TMTC3: variants seen among roughly 807,000 people sequenced by gnomAD.
The protein encoded by TMTC3 is protein O-mannosyl-transferase TMTC3.
TMTC3 carries 52 observed loss-of-function variants against 92.2 expected under a neutral mutation model. The ratio of observed to expected loss-of-function variants is 0.56; its 90% CI spans 0.45 to 0.71. The LOEUF (loss-of-function observed/expected upper bound fraction) is 0.71, where lower values mean the gene tolerates loss of function less well. Ranked by LOEUF, TMTC3 falls within the 30% of genes least tolerant of loss-of-function variation. TMTC3 has a pLI of 0.00. For missense variants in TMTC3, 896 were observed against 1,057.1 expected (o/e 0.85, Z 2.11); for synonymous variants, 339 against 363.3 (o/e 0.93, Z 0.76).
intron 10 of TMTC3, among the ~76,000 whole-genome samples, chr12:88,180,407 G>A (rs189858130): frequency 5.3e-4 from 81 of 152,130 alleles, no homozygotes; most frequent in Non-Finnish European, 8.7e-4. Context: ...AAAGAAAGGC[G>A]GATTTAGAAG....
chr12:88,184,815 ACACACACATATG>A (rs1318384115), intron 10 of TMTC3, among the ~76,000 whole-genome samples: 1 of 152,016 alleles, frequency 6.6e-6, no homozygotes, highest in Non-Finnish European at 1.5e-5. Context: ...ATATATATAC[ACACACACATATG>A]CATGCACATG....
intron 4 of TMTC3, among the ~76,000 whole-genome samples, chr12:88,155,825 T>C (rs1339833325): frequency 1.3e-5 from 2 of 152,172 alleles, no homozygotes; most frequent in Non-Finnish European, 2.9e-5. Context: ...GAATTACTTA[T>C]TTGGGCTGGG....
At chr12:88,154,420 G>T in intron 4 of TMTC3, 33 bp downstream of exon 4, 2 of 1,475,344 alleles carry the variant, frequency 1.4e-6, no homozygotes, top group Non-Finnish European at 9.2e-7. Flanking sequence ...TTTTTTAATA[G>T]TGCTAAAACT....
intron 6 of TMTC3, among the ~76,000 whole-genome samples, chr12:88,162,232 T>C (rs1212747657): frequency 1.3e-5 from 2 of 152,180 alleles, no homozygotes; most frequent in African/African-American, 2.4e-5. Context: ...CTAATGTATG[T>C]TATGTGTATT....
chr12:88,195,180 G>C lies in TMTC3; in HGVS notation c.2276G>C (p.Cys759Ser), dbSNP rs768982622. 1.2e-6 allele frequency: 2 copies of C among 1,613,812 alleles called. No homozygotes were observed. The highest frequency in any genetic ancestry group is 4.5e-5 in the East Asian group (2 of 44,816). Residue 759 changes from cysteine to serine, a missense_variant, in exon 14 of 14, where the codon TGT becomes TCT. Coordinates refer to ENST00000266712, the MANE Select transcript of TMTC3 (RefSeq NM_181783.4). ...QKKDILGAKKCFERILEMDPS... is the reference protein window; with the variant it reads ...QKKDILGAKKSFERILEMDPS... ...AAAGATATACTAGGAGCAAAAAAATGTTTTGAAAGGATTTTGGAGATGGAT... is the reference window on the plus strand; with the variant it reads ...AAAGATATACTAGGAGCAAAAAAATCTTTTGAAAGGATTTTGGAGATGGAT...
At chr12:88,153,585 AT>A in intron 3 of TMTC3, 76 bp downstream of exon 3, 1 of 769,410 alleles carries the variant, frequency 1.3e-6, no homozygotes, top group Non-Finnish European at 1.9e-6. Context: ...AATGGTATAT[AT>A]TTTTAAGAAA....
At chr12:88,179,471 A>T (rs903005040) in intron 10 of TMTC3, among the ~76,000 whole-genome samples, 1 of 152,210 alleles carries the variant, frequency 6.6e-6, no homozygotes, top group African/African-American at 2.4e-5. Flanking sequence ...AATACTGGTT[A>T]TATAAGACTT....
chr12:88,171,978 G>A (rs1042424412), intron 7 of TMTC3, among the ~76,000 whole-genome samples: 1 of 151,928 alleles, frequency 6.6e-6, no homozygotes, highest in Non-Finnish European at 1.5e-5. Flanking sequence ...ATACTTGATG[G>A]CCATTGGCAT....
Position 88,174,636 on chromosome 12 carries a change from T to G in TMTC3, c.1229T>G (p.Leu410Arg). 6.2e-7 allele frequency: 1 copy of G among 1,611,152 alleles called. No homozygotes were observed. Among genetic ancestry groups the G allele is most frequent in the Non-Finnish European group, 8.5e-7 (1 of 1,178,666 alleles). ...SVFKKLSWICLSMVILTHSLK... is the reference protein window; with the variant it reads ...SVFKKLSWICRSMVILTHSLK... ...TTTAAAAAGCTATCCTGGATTTGTC[T>G]GTCTATGGTGATACTCACTCATTCC... The change falls in exon 9 of 14, where the codon CTG (leucine) becomes CGG (arginine). Residue 410 changes from leucine to arginine, a missense_variant. Physicochemically the swap from Leu to Arg is moderately radical, Grantham distance 102. Coordinates refer to ENST00000266712, the MANE Select transcript of TMTC3 (RefSeq NM_181783.4).
At chr12:88,158,051 T>TA (rs1199023008) in intron 4 of TMTC3, among the ~76,000 whole-genome samples, 2 of 152,202 alleles carry the variant, frequency 1.3e-5, no homozygotes, top group African/African-American at 2.4e-5. Flanking sequence ...TATTCTTTGT[T>TA]ACTTTTTAAA....
chr12:88,190,480 A>G lies in TMTC3; in HGVS notation c.1564A>G (p.Arg522Gly). The change falls in exon 12 of 14, where the codon AGA (arginine) becomes GGA (glycine). Residue 522 changes from arginine (R) to glycine (G), a missense_variant. Physicochemically the swap from Arg to Gly is moderately radical, Grantham distance 125. Coordinates refer to ENST00000266712, the MANE Select transcript of TMTC3 (RefSeq NM_181783.4). ...TATTCCTGGTAAAAAATATGCAGCCAGAATTGCCCCTAACCACCTAAATGT... is the reference window on the plus strand; with the variant it reads ...TATTCCTGGTAAAAAATATGCAGCCGGAATTGCCCCTAACCACCTAAATGT... ...QIIPGKKYAA[R>G]IAPNHLNVYI... The G allele has an allele frequency of 6.2e-7, 1 of 1,613,724 alleles. No homozygotes were observed. The highest frequency in any genetic ancestry group is 8.5e-7 in the Non-Finnish European group (1 of 1,179,778).
intron 1 of TMTC3, among the ~76,000 whole-genome samples, chr12:88,146,326 A>C (rs1357416912): frequency 6.6e-6 from 1 of 152,120 alleles, no homozygotes; most frequent in African/African-American, 2.4e-5. Flanking sequence ...TTGCTTGAAT[A>C]ATAATTTTTA....
rs913277321 is a variant in TMTC3, at chr12:88,195,847, T to A, written c.*198T>A. Reference sequence around the variant, plus strand: ...ATATTATGTATCGCTGTTTTCAGAGTGTGGGTGAATATAGCAGAAATATTA... The same window carrying A: ...ATATTATGTATCGCTGTTTTCAGAGAGTGGGTGAATATAGCAGAAATATTA... On this transcript the variant is annotated 3_prime_UTR_variant, in exon 14 of 14. Transcript: ENST00000266712. 9.7e-6 allele frequency: 4 copies of A among 413,550 alleles called. No individual in the cohort carries two copies. In the Admixed American group the frequency reaches 1.6e-4, roughly 17 times the overall value. The allele number at this position is 413,550 out of a possible 1,614,324, so 25.6% of individuals were successfully genotyped here. A position where few individuals can be genotyped will look rare whatever the true frequency, so the allele number is the denominator to read the frequency against.
chr12:88,175,288 A>G (rs1468126320), intron 9 of TMTC3, among the ~76,000 whole-genome samples: 9 of 152,324 alleles, frequency 5.9e-5, no homozygotes, highest in South Asian at 4.1e-4. Context: ...TGGACATTAT[A>G]AATCGGAAAA....
chr12:88,174,609 T>C lies in TMTC3; in HGVS notation c.1202T>C (p.Val401Ala). ...TTTGCTTTTTTTCTCTTAAACAGTG[T>C]ATTTAAAAAGCTATCCTGGATTTGT... ...HGWQKISTKS[V>A]FKKLSWICLS... Residue 401 changes from valine (V) to alanine (A), a missense_variant and splice_region_variant, in exon 9 of 14, where the codon GTA becomes GCA. Val to Ala is a moderately conservative substitution (Grantham distance 64). Coordinates refer to ENST00000266712, the MANE Select transcript of TMTC3 (RefSeq NM_181783.4). 6.2e-7 allele frequency: 1 copy of C among 1,604,470 alleles called. No homozygotes were observed. Among genetic ancestry groups the C allele is most frequent in the Non-Finnish European group, 8.5e-7 (1 of 1,177,092 alleles).
intron 2 of TMTC3, among the ~76,000 whole-genome samples, chr12:88,149,980 A>G (rs1212497636): frequency 1.3e-5 from 2 of 152,138 alleles, no homozygotes; most frequent in African/African-American, 2.4e-5. Flanking sequence ...GATTTTAATC[A>G]TAATGTTGAG....
In TMTC3 at chr12:88,147,328, T is replaced by C. The variant is rs2040888141; in HGVS notation, c.-28-960T>C. Among the ~76,000 whole-genome samples, 6 of 152,254 alleles carry C rather than the reference T, an allele frequency of 3.9e-5. No homozygotes were observed. In the South Asian group the frequency reaches 1.0e-3, roughly 26 times the overall value. On this transcript the variant is annotated intron_variant, in intron 1 of 13. Coordinates refer to ENST00000266712, the MANE Select transcript of TMTC3 (RefSeq NM_181783.4). ...ACAACAGTTTGTCACCCCAAGTGAA[T>C]TGATGTTACCAAGCCAGTGGCCTGA...
chr12:88,157,616 T>C (rs2041026714), intron 4 of TMTC3, among the ~76,000 whole-genome samples: 1 of 152,124 alleles, frequency 6.6e-6, no homozygotes, highest in South Asian at 2.1e-4. Flanking sequence ...CTTGTCTCTC[T>C]TCCCTATACC....
At chr12:88,182,856 A>G (rs933879110) in intron 10 of TMTC3, among the ~76,000 whole-genome samples, 1 of 152,172 alleles carries the variant, frequency 6.6e-6, no homozygotes, top group African/African-American at 2.4e-5. Context: ...CTGGTATTGT[A>G]AACACAAATT....
Sources: allele counts gnomAD v4.1 joint callset (sites outside exome capture counted in the v4.1 genomes callset), GRCh38; gene constraint gnomAD v4.1.1; transcripts MANE v1.5; gene names NCBI Gene and HGNC (gene_info 2026-07-23, HGNC 2026-07-21).